Variants in IL17RD observed in about 807,000 individuals in gnomAD.
IL17RD encodes the protein interleukin 17 receptor D.
In IL17RD, 52 loss-of-function variants were observed where a neutral mutation model predicts 80.5. The ratio of observed to expected loss-of-function variants is 0.65; its 90% CI spans 0.52 to 0.81. IL17RD has a LOEUF of 0.81. Ranked by LOEUF, IL17RD falls within the 40% of genes least tolerant of loss-of-function variation. The probability of loss-of-function intolerance (pLI) is 0.00; values close to 1 mark genes in which losing one functional copy is unlikely to be tolerated. For synonymous variants in IL17RD, 416 were observed against 391.8 expected (o/e 1.06, Z -0.73); for missense variants, 1,024 against 955.1 (o/e 1.07, Z -0.95).
At chr3:57,118,193 C>G (rs923101476) in intron 2 of IL17RD, among the ~76,000 whole-genome samples, 1 of 152,292 alleles carries the variant, frequency 6.6e-6, no homozygotes, top group East Asian at 1.9e-4. Context: ...CTTAGCTGAA[C>G]CAAGTATCAT....
At position 57,096,501 on chromosome 3, in the gene IL17RD, C is replaced by T. The variant is rs576915574; in HGVS notation, c.2112G>A (p.Glu704=). 3.2e-5 allele frequency: 51 copies of T among 1,605,506 alleles called. No homozygotes were observed. In the East Asian group the frequency reaches 6.7e-4, roughly 21 times the overall value. The stretch of plus-strand genomic sequence containing the variant: ...TGGAAGGAAGGGCAGGAGGTTCCTC[C>T]TCACCTAAGGAGAGAAGAGAGTACA... The part of the protein sequence containing the change: ...ESVSSSSGLG[E]EEPPALPSKL... Residue 704 remains glutamate, a synonymous_variant, in exon 13 of 13, where the codon GAG becomes GAA. Transcript: ENST00000296318.
chr3:57,106,472 C>T (rs1559469031), intron 5 of IL17RD, among the ~76,000 whole-genome samples: 1 of 152,224 alleles, frequency 6.6e-6, no homozygotes, highest in Non-Finnish European at 1.5e-5. Context: ...TATGTTCATG[C>T]TACAGTCACA....
chr3:57,170,060 G>T (rs931603262), upstream of IL17RD, among the ~76,000 whole-genome samples: 1 of 152,202 alleles, frequency 6.6e-6, no homozygotes, highest in Non-Finnish European at 1.5e-5. Context: ...GATTCCTCCA[G>T]ACTCTTCCTG....
chr3:57,158,868 C>T (rs72875832), intron 1 of IL17RD, among the ~76,000 whole-genome samples: 2,561 of 152,252 alleles, frequency 0.017, 76 homozygotes, highest in African/African-American at 0.057. Context: ...GAAGGAGTCT[C>T]CCCAGAGATA....
In IL17RD at chr3:57,164,852, G is replaced by A. The variant is rs546288302; in HGVS notation, c.126+309C>T. 8.9e-6 allele frequency: 10 copies of A among 1,126,600 alleles called. No homozygotes were observed. The South Asian group carries it at 2.2e-4, about 25-fold the overall frequency. The allele number at this position is 1,126,600 out of a possible 1,614,324, so 69.8% of individuals were successfully genotyped here. A position where few individuals can be genotyped will look rare whatever the true frequency, so the allele number is the denominator to read the frequency against. On this transcript the variant is annotated intron_variant, in intron 1 of 12. Transcript: ENST00000296318. ...AAGGAGGTCCCGGGCCAAGAACAAA[G>A]GGTGGGGCGCCCGGCCCAGCCCCGC...
Position 57,127,414 on chromosome 3 carries a change from T to TATATA in IL17RD, c.127-7102_127-7101insTATAT, listed in dbSNP as rs1341490473. Among the ~76,000 whole-genome samples, 5 of 74,484 alleles carry TATATA rather than the reference T, an allele frequency of 6.7e-5. 1 individual carries two copies. Among genetic ancestry groups the TATATA allele is most frequent in the African/African-American group, 2.2e-4 (5 of 22,472 alleles). The allele number at this position is 74,484 out of a possible 152,430, so 48.9% of individuals were successfully genotyped here. ...TAAATAAATATATATATATATATAT[T>TATATA]TTTTTTTTGAGATAAGAGTCTTGCT... On this transcript the variant is annotated intron_variant, in intron 1 of 12. Coordinates refer to ENST00000296318, the MANE Select transcript of IL17RD (RefSeq NM_017563.5).
intron 1 of IL17RD, among the ~76,000 whole-genome samples, chr3:57,127,285 AAT>A (rs1204555740): frequency 1.0e-4 from 9 of 88,008 alleles, no homozygotes; most frequent in South Asian, 3.0e-4. Context: ...AATATATATA[AAT>A]ATATATAAAT....
chr3:57,134,327 G>A (rs1012123206), intron 1 of IL17RD: 7 of 690,544 alleles, frequency 1.0e-5, no homozygotes, highest in Non-Finnish European at 1.9e-5. Context: ...CTTGATGCCG[G>A]GAAAACACCT....
chr3:57,118,719 C>T (rs1212161739), intron 2 of IL17RD, among the ~76,000 whole-genome samples: 2 of 152,160 alleles, frequency 1.3e-5, no homozygotes, highest in Non-Finnish European at 2.9e-5. Flanking sequence ...CATTCCAACT[C>T]CAGTTGGACT....
At chr3:57,106,387 T>G (rs1039785752) in intron 5 of IL17RD, among the ~76,000 whole-genome samples, 1 of 152,218 alleles carries the variant, frequency 6.6e-6, no homozygotes, top group African/African-American at 2.4e-5. Flanking sequence ...ATGGTAACAA[T>G]GTAAAGTCAC....
At chr3:57,150,412 G>A (rs557006346) in intron 1 of IL17RD, 14 of 152,336 alleles carry the variant, frequency 9.2e-5, no homozygotes, top group African/African-American at 2.9e-4. Flanking sequence ...CTGCAGCTCC[G>A]GTTTCTGGCA....
chr3:57,144,146 A>G (rs1477067658), intron 1 of IL17RD, among the ~76,000 whole-genome samples: 6 of 152,294 alleles, frequency 3.9e-5, no homozygotes, highest in Admixed American at 3.9e-4. Context: ...TCCCTTCCCA[A>G]AACAACTTGT....
chr3:57,096,475 T>C lies in IL17RD; in HGVS notation c.2138A>G (p.Lys713Arg), dbSNP rs764211156. 2.1e-5 allele frequency: 34 copies of C among 1,613,578 alleles called. 1 individual carries two copies. The highest frequency in any genetic ancestry group is 1.6e-4 in the South Asian group (15 of 91,082). ...TTTGCATGACCCAGAAGAGAGGAGCTTGGAAGGAAGGGCAGGAGGTTCCTC... is the reference window on the plus strand; with the variant it reads ...TTTGCATGACCCAGAAGAGAGGAGCCTGGAAGGAAGGGCAGGAGGTTCCTC... ...GEEEPPALPS[K>R]LLSSGSCKAD... is the part of the protein sequence containing the mutation. Residue 713 changes from lysine (K) to arginine (R), a missense_variant, in exon 13 of 13, where the codon AAG (lysine) becomes AGG (arginine). By Grantham distance (26) the Lys-to-Arg change is conservative. Transcript: ENST00000296318.
chr3:57,169,346 G>A (rs182109400), upstream of IL17RD: 4 of 456,490 alleles, frequency 8.8e-6, 1 homozygote, highest in South Asian at 3.2e-5. Context: ...TGTCTGGCAC[G>A]CTTCAGTGGG....
rs1261373761 is a variant in IL17RD, at chr3:57,165,206, A to T, written c.81T>A (p.Ala27=). The change falls in exon 1 of 13, where the codon GCT becomes GCA. Residue 27 remains alanine, a synonymous_variant. Coordinates refer to ENST00000296318, the MANE Select transcript of IL17RD (RefSeq NM_017563.5). Reference sequence around the variant, plus strand: ...CGCCCCGCGCGCGGCCGGACCCGCCAGCGGCCACAGCCAGCTGCGAGCCGT... The same window carrying T: ...CGCCCCGCGCGCGGCCGGACCCGCCTGCGGCCACAGCCAGCTGCGAGCCGT... The part of the protein sequence containing the change: ...CLNGSQLAVA[A]GGSGRARGAD... 2 of 1,530,506 alleles carry T rather than the reference A, an allele frequency of 1.3e-6. No individual in the cohort carries two copies. Among genetic ancestry groups the T allele is most frequent in the South Asian group, 1.2e-5 (1 of 82,032 alleles). The allele number at this position is 1,530,506 out of a possible 1,614,324, so 94.8% of individuals were successfully genotyped here.
In IL17RD at chr3:57,127,412, A is replaced by ATTTTT. The variant is rs58398251; in HGVS notation, c.127-7104_127-7100dup. Among the ~76,000 whole-genome samples the ATTTTT allele has an allele frequency of 1.4e-3, 128 of 91,188 alleles. 6 individuals are homozygous for ATTTTT. Among genetic ancestry groups the ATTTTT allele is most frequent in the African/African-American group, 5.7e-3 (116 of 20,468 alleles). The allele number at this position is 91,188 out of a possible 152,430, so 59.8% of individuals were successfully genotyped here. A position where few individuals can be genotyped will look rare whatever the true frequency, so the allele number is the denominator to read the frequency against. On this transcript the variant is annotated intron_variant, in intron 1 of 12. Transcript: ENST00000296318. Reference sequence around the variant, plus strand: ...AATAAATAAATATATATATATATATATTTTTTTTTTGAGATAAGAGTCTTG... The same window carrying ATTTTT: ...AATAAATAAATATATATATATATATATTTTTTTTTTTTTTTGAGATAAGAGTCTTG...
intron 1 of IL17RD, among the ~76,000 whole-genome samples, chr3:57,146,199 A>C (rs1278749501): frequency 6.6e-6 from 1 of 152,222 alleles, no homozygotes; most frequent in African/African-American, 2.4e-5. Context: ...AAGACTCACT[A>C]ATCAATAATT....
intron 1 of IL17RD, among the ~76,000 whole-genome samples, chr3:57,132,045 A>G (rs1707619954): frequency 6.6e-6 from 1 of 151,828 alleles, no homozygotes; most frequent in Non-Finnish European, 1.5e-5. Context: ...TATTAGCCAG[A>G]CATGGTGGTA....
chr3:57,115,093 G>A (rs1297684823), intron 2 of IL17RD, among the ~76,000 whole-genome samples: 1 of 152,158 alleles, frequency 6.6e-6, no homozygotes, highest in Non-Finnish European at 1.5e-5. Context: ...ACAGTGTGGA[G>A]TTTGTGTGTG....
Sources: allele counts gnomAD v4.1 joint callset (sites outside exome capture counted in the v4.1 genomes callset), GRCh38; gene constraint gnomAD v4.1.1; transcripts MANE v1.5; gene names NCBI Gene and HGNC (gene_info 2026-07-23, HGNC 2026-07-21).